Variants in PLXNA4 observed in about 807,000 individuals in gnomAD.
PLXNA4 encodes the protein plexin A4.
PLXNA4 carries 44 observed loss-of-function variants against 191.8 expected under a neutral mutation model. The observed-to-expected ratio is 0.23, with a 90% CI of 0.18 to 0.29. The LOEUF is 0.29. PLXNA4 is among the 10% of genes least tolerant of loss of function. PLXNA4 has a pLI of 1.00. For missense variants in PLXNA4, 1,800 were observed against 2,488.8 expected, an observed-to-expected ratio of 0.72 and a Z score of 5.89; for synonymous variants, 1,082 against 1,009.5, an observed-to-expected ratio of 1.07 and a Z score of -1.36.
intron 3 of PLXNA4, among the ~76,000 whole-genome samples, chr7:132,381,451 C>T (rs1018898962): frequency 6.6e-6 from 1 of 152,190 alleles, no homozygotes; most frequent in Non-Finnish European, 1.5e-5. Flanking sequence ...GAAGAATCTG[C>T]TAGACTTCTC....
intron 4 of PLXNA4, among the ~76,000 whole-genome samples, chr7:132,265,674 C>T (rs375189830): frequency 2.6e-5 from 4 of 152,134 alleles, no homozygotes; most frequent in East Asian, 1.9e-4. Context: ...CAGAAGCGAG[C>T]GTACACAGAC....
intron 3 of PLXNA4, among the ~76,000 whole-genome samples, chr7:132,346,030 T>C (rs943789935): frequency 1.3e-5 from 2 of 152,168 alleles, no homozygotes; most frequent in Non-Finnish European, 2.9e-5. Flanking sequence ...AGCAGGCTGT[T>C]TGTTGGGATG....
intron 3 of PLXNA4, among the ~76,000 whole-genome samples, chr7:132,425,132 C>G (rs770197676): frequency 6.6e-6 from 1 of 152,234 alleles, no homozygotes; most frequent in African/African-American, 2.4e-5. Context: ...CCTAGCCTCT[C>G]TCCTTGGAGG....
At position 132,552,365 on chromosome 7, in the gene PLXNA4, G is replaced by T. The variant is rs1252766748; in HGVS notation, c.-87+24057C>A. Reference sequence around the variant, plus strand: ...CTTGGTCAAAAAGAAGTCACAGGGGGAGTTATTTGTTTGGGGCTCTTTGTT... The same window carrying T: ...CTTGGTCAAAAAGAAGTCACAGGGGTAGTTATTTGTTTGGGGCTCTTTGTT... On this transcript the variant is annotated intron_variant, in intron 1 of 31. Coordinates refer to ENST00000321063, the MANE Select transcript of PLXNA4 (RefSeq NM_020911.2). Among the ~76,000 whole-genome samples, 3 of 152,260 alleles carry T rather than the reference G, an allele frequency of 2.0e-5. No homozygotes were observed. The East Asian group carries it at 5.8e-4, about 29-fold the overall frequency.
At chr7:132,458,704 T>A (rs1221545009) in intron 3 of PLXNA4, among the ~76,000 whole-genome samples, 2 of 151,842 alleles carry the variant, frequency 1.3e-5, no homozygotes, top group African/African-American at 2.4e-5. Flanking sequence ...AATGTTCTAT[T>A]TATTGGTTTC....
chr7:132,186,491 T>A (rs1258182512), intron 15 of PLXNA4, among the ~76,000 whole-genome samples: 1 of 152,114 alleles, frequency 6.6e-6, no homozygotes, highest in African/African-American at 2.4e-5. Context: ...ATGGAGCCCA[T>A]CCAGGGAAGG....
At chr7:132,482,843 C>T (rs749287997) in intron 3 of PLXNA4, among the ~76,000 whole-genome samples, 23 of 152,030 alleles carry the variant, frequency 1.5e-4, no homozygotes, top group Non-Finnish European at 2.4e-4. Context: ...CAGGTGTGCA[C>T]CATCATGCCC....
chr7:132,399,535 CTTCATGG>C (rs1793900894), intron 3 of PLXNA4, among the ~76,000 whole-genome samples: 1 of 152,102 alleles, frequency 6.6e-6, no homozygotes. Flanking sequence ...TCAAGAGAGG[CTTCATGG>C]GGGAGGCGGG....
chr7:132,273,208 G>C (rs1800141392), intron 4 of PLXNA4, among the ~76,000 whole-genome samples: 1 of 152,098 alleles, frequency 6.6e-6, no homozygotes, highest in South Asian at 2.1e-4. Flanking sequence ...TTCTGGAATT[G>C]TTGAAAGTGG....
chr7:132,307,735 C>T (rs1031464499), intron 3 of PLXNA4, among the ~76,000 whole-genome samples: 2 of 152,108 alleles, frequency 1.3e-5, no homozygotes, highest in East Asian at 1.9e-4. Context: ...GGAAGGTGGG[C>T]GTAAACCCTG....
At position 132,387,042 on chromosome 7, in the gene PLXNA4, C is replaced by A. The variant is rs142844356; in HGVS notation, c.1372-88820G>T. ...ATGTGCTGGGATGTTGCATCAATATCAAGTTGCTGTATACATTTCTAAATG... is the reference window on the plus strand; with the variant it reads ...ATGTGCTGGGATGTTGCATCAATATAAAGTTGCTGTATACATTTCTAAATG... On this transcript the variant is annotated intron_variant, in intron 3 of 31. Coordinates refer to ENST00000321063, the MANE Select transcript of PLXNA4 (RefSeq NM_020911.2). 1.9e-3 allele frequency among the ~76,000 whole-genome samples: 283 copies of A among 152,332 alleles called. 3 individuals are homozygous for A. The highest frequency in any genetic ancestry group is 5.4e-4 in the Non-Finnish European group (37 of 68,032).
At position 132,576,251 on chromosome 7, in the gene PLXNA4, C is replaced by T. The variant is rs1424416395; in HGVS notation, c.-87+171G>A. 6.6e-6 allele frequency among the ~76,000 whole-genome samples: 1 copy of T among 152,194 alleles called. No homozygotes were observed. The highest frequency in any genetic ancestry group is 2.4e-5 in the African/African-American group (1 of 41,436). ...TCCAGGTGGGACGTGGGCAGGTGCG[C>T]GAGCGCCGTGTGTGCCGGTGTGGAT... On this transcript the variant is annotated intron_variant, in intron 1 of 31. Transcript: ENST00000321063. The surrounding 1 kb of genome is among the most constrained non-coding windows in gnomAD (Gnocchi z 5.8).
chr7:132,616,601 T>A (rs1171402777), intron 2 of PLXNA4, among the ~76,000 whole-genome samples: 7 of 152,208 alleles, frequency 4.6e-5, no homozygotes, highest in Non-Finnish European at 1.0e-4. Flanking sequence ...ATAAACTACA[T>A]GTCTAACATT....
Position 132,439,700 on chromosome 7 carries a change from A to G in PLXNA4, c.1371+49592T>C, listed in dbSNP as rs183583736. 8.0e-4 allele frequency among the ~76,000 whole-genome samples: 122 copies of G among 152,194 alleles called. 1 individual carries two copies. The East Asian group carries it at 0.016, about 20-fold the overall frequency. On this transcript the variant is annotated intron_variant, in intron 3 of 31. Coordinates refer to ENST00000321063, the MANE Select transcript of PLXNA4 (RefSeq NM_020911.2). ...CCTGAACTCAAGGAGCAAGACCTGA[A>G]CTCAGAGGTTCGCACAACAGGTGAC...
At chr7:132,290,732 C>T (rs1014471253) in intron 4 of PLXNA4, among the ~76,000 whole-genome samples, 21 of 152,050 alleles carry the variant, frequency 1.4e-4, no homozygotes, top group African/African-American at 3.9e-4. Context: ...CAGAGAGAAA[C>T]GTAACACGGC....
In PLXNA4 at chr7:132,148,015, T is replaced by G; in HGVS notation, c.4765-16A>C. On this transcript the variant is annotated splice_polypyrimidine_tract_variant and intron_variant, in intron 26 of 31. Transcript: ENST00000321063. ...CATCTGGCACCTACAGGGAAAAAGC[T>G]TCTCAGGGCCTAGGCACAGCAGCTC... The G allele has an allele frequency of 6.2e-7, 1 of 1,614,082 alleles. No homozygotes were observed. The highest frequency in any genetic ancestry group is 8.5e-7 in the Non-Finnish European group (1 of 1,180,008).
intron 23 of PLXNA4, among the ~76,000 whole-genome samples, chr7:132,164,561 C>T (rs1247465746): frequency 6.6e-6 from 1 of 152,166 alleles, no homozygotes; most frequent in South Asian, 2.1e-4. Context: ...CTTCCTCCCC[C>T]GCTCCCCTCC....
chr7:132,214,476 TC>T (rs1186330905), intron 9 of PLXNA4, among the ~76,000 whole-genome samples: 1 of 152,102 alleles, frequency 6.6e-6, no homozygotes, highest in African/African-American at 2.4e-5. Context: ...CCAGTGTCCC[TC>T]CTAATTGAAA....
chr7:132,176,640 G>A (rs542353727), intron 20 of PLXNA4, among the ~76,000 whole-genome samples: 6 of 152,112 alleles, frequency 3.9e-5, no homozygotes, highest in African/African-American at 1.2e-4. Flanking sequence ...ATGTCAGTGA[G>A]TGTGTAGGCA....
Sources: allele counts gnomAD v4.1 joint callset (sites outside exome capture counted in the v4.1 genomes callset), GRCh38; gene constraint gnomAD v4.1.1; non-coding constraint Gnocchi (gnomAD v3.1); transcripts MANE v1.5; gene names NCBI Gene and HGNC (gene_info 2026-07-23, HGNC 2026-07-21).